NACC2: variants seen among roughly 807,000 people sequenced by gnomAD.
NACC2 encodes the protein NACC family member 2, also known as nucleus accumbens-associated protein 2.
NACC2 carries 8 observed loss-of-function variants against 25.1 expected under a neutral mutation model. The observed-to-expected ratio is 0.32, with a 90% CI of 0.19 to 0.57. The LOEUF is 0.57. NACC2 is among the 20% of genes least tolerant of loss of function. NACC2 has a pLI of 0.89. For synonymous variants in NACC2, 435 were observed against 294.7 expected (o/e 1.48, Z -4.88); for missense variants, 644 against 650.2 (o/e 0.99, Z 0.10).
intron 2 of NACC2, among the ~76,000 whole-genome samples, chr9:136,035,075 C>T (rs1233178886): frequency 6.6e-6 from 1 of 152,140 alleles, no homozygotes. Context: ...GCCTGGGTGA[C>T]AGAGCGAGAC....
intron 1 of NACC2, among the ~76,000 whole-genome samples, chr9:136,094,289 G>A (rs1361346584): frequency 6.6e-6 from 1 of 152,192 alleles, no homozygotes; most frequent in Non-Finnish European, 1.5e-5. Context: ...GCCAACTCCA[G>A]GGACCCGGCC....
At chr9:136,058,168 T>A (rs973980119) in intron 1 of NACC2, among the ~76,000 whole-genome samples, 1 of 152,210 alleles carries the variant, frequency 6.6e-6, no homozygotes, top group Non-Finnish European at 1.5e-5. Context: ...AGGGGGCTGC[T>A]GGCACCACCT....
chr9:136,019,235 C>T lies in NACC2; in HGVS notation c.887-2806G>A, dbSNP rs1437553931. 2 of 149,732 alleles carry T rather than the reference C, an allele frequency of 1.3e-5. No homozygotes were observed. The highest frequency in any genetic ancestry group is 3.0e-5 in the Non-Finnish European group (2 of 66,426). The allele number at this position is 149,732 out of a possible 1,614,324, so 9.3% of individuals were successfully genotyped here. On this transcript the variant is annotated intron_variant, in intron 2 of 5. Coordinates refer to ENST00000277554, the MANE Select transcript of NACC2 (RefSeq NM_144653.5). This position sits in a 1 kb window ranked among gnomAD's most constrained non-coding sequence, Gnocchi z 5.2. Reference sequence around the variant, plus strand: ...CTTTAACGGAGAACCCGCAGAGAGACTTGTTCATGGCAGAGACAGGACGGC... The same window carrying T: ...CTTTAACGGAGAACCCGCAGAGAGATTTGTTCATGGCAGAGACAGGACGGC...
At chr9:136,037,576 C>T (rs2131152001) in intron 2 of NACC2, among the ~76,000 whole-genome samples, 1 of 150,826 alleles carries the variant, frequency 6.6e-6, no homozygotes, top group South Asian at 2.1e-4. Flanking sequence ...GGTGCAATCT[C>T]AGCTCATTGC....
intron 1 of NACC2, among the ~76,000 whole-genome samples, chr9:136,085,293 G>C (rs1215199702): frequency 6.6e-6 from 1 of 151,362 alleles, no homozygotes; most frequent in Non-Finnish European, 1.5e-5. Flanking sequence ...GGGATTACAG[G>C]TGTGAACCAC....
chr9:136,069,886 C>G (rs188789136), intron 1 of NACC2, among the ~76,000 whole-genome samples: 1 of 151,790 alleles, frequency 6.6e-6, no homozygotes, highest in Non-Finnish European at 1.5e-5. Flanking sequence ...ACAGCCTTCT[C>G]TAAACAAGGA....
intron 1 of NACC2, among the ~76,000 whole-genome samples, chr9:136,080,187 C>T (rs1458121352): frequency 2.6e-5 from 4 of 152,224 alleles, no homozygotes; most frequent in East Asian, 1.9e-4. Flanking sequence ...CCTGTAGCCA[C>T]GCCACACCAG....
Position 136,010,966 on chromosome 9 carries a change from C to G in NACC2, c.*550G>C, listed in dbSNP as rs1785335876. ...CACACACACACACTCGTGCACACACCCCACACAGGTGGAAGGCCCGGTGGG... is the reference window on the plus strand; with the variant it reads ...CACACACACACACTCGTGCACACACGCCACACAGGTGGAAGGCCCGGTGGG... On this transcript the variant is annotated 3_prime_UTR_variant, in exon 6 of 6. Transcript: ENST00000277554. The surrounding 1 kb of genome is among the most constrained non-coding windows in gnomAD (Gnocchi z 4.9). 1 of 152,516 alleles carries G rather than the reference C, an allele frequency of 6.6e-6. No individual in the cohort carries two copies. The highest frequency in any genetic ancestry group is 6.5e-5 in the Admixed American group (1 of 15,294). The allele number at this position is 152,516 out of a possible 1,614,324, so 9.4% of individuals were successfully genotyped here.
At chr9:136,095,046 C>T (rs1185432699) in intron 1 of NACC2, 143 bp downstream of exon 1, 1 of 146,068 alleles carries the variant, frequency 6.8e-6, no homozygotes, top group African/African-American at 2.5e-5. Context: ...GCCGCACCCG[C>T]CCCGCGCGGC....
chr9:136,085,976 G>A (rs1293854853), intron 1 of NACC2, among the ~76,000 whole-genome samples: 1 of 152,064 alleles, frequency 6.6e-6, no homozygotes, highest in East Asian at 1.9e-4. Flanking sequence ...CTGATGGGAG[G>A]GGTTGGCAGA....
intron 1 of NACC2, among the ~76,000 whole-genome samples, chr9:136,074,930 C>T (rs1830245198): frequency 6.6e-6 from 1 of 152,224 alleles, no homozygotes; most frequent in Non-Finnish European, 1.5e-5. Context: ...GGTTCTCGCA[C>T]GGCCTCCTTC....
chr9:136,039,319 C>T (rs1430597344), intron 2 of NACC2, among the ~76,000 whole-genome samples: 1 of 152,122 alleles, frequency 6.6e-6, no homozygotes, highest in Admixed American at 6.5e-5. Context: ...GGTAAGAATG[C>T]TGCTAATTAC....
intron 1 of NACC2, among the ~76,000 whole-genome samples, chr9:136,064,548 G>A: frequency 6.6e-6 from 1 of 152,160 alleles, no homozygotes; most frequent in East Asian, 1.9e-4. Context: ...TGAAAGAAAT[G>A]AAAGATCTAA....
At position 136,010,508 on chromosome 9, in the gene NACC2, C is replaced by G. The variant is rs2131128787; in HGVS notation, c.*1008G>C. The G allele has an allele frequency of 6.6e-6, 1 of 152,350 alleles. No homozygotes were observed. The highest frequency in any genetic ancestry group is 2.1e-4 in the South Asian group (1 of 4,832). 9.4% of individuals were successfully genotyped at this position (152,350 alleles called of 1,614,324 possible). On this transcript the variant is annotated 3_prime_UTR_variant, in exon 6 of 6. Coordinates refer to ENST00000277554, the MANE Select transcript of NACC2 (RefSeq NM_144653.5). The surrounding 1 kb of genome is among the most constrained non-coding windows in gnomAD (Gnocchi z 4.9). Reference sequence around the variant, plus strand: ...TGGTCCCTGGCCCTGGGCGGGGGAGCAGGGGGACGCACCCTAACGGCCACA... The same window carrying G: ...TGGTCCCTGGCCCTGGGCGGGGGAGGAGGGGGACGCACCCTAACGGCCACA...
chr9:136,032,090 C>G lies in NACC2; in HGVS notation c.887-15661G>C, dbSNP rs558437930. Among the ~76,000 whole-genome samples the G allele has an allele frequency of 3.4e-5, 5 of 145,712 alleles. No homozygotes were observed. In the South Asian group the frequency reaches 1.0e-3, roughly 30 times the overall value. On this transcript the variant is annotated intron_variant, in intron 2 of 5. Coordinates refer to ENST00000277554, the MANE Select transcript of NACC2 (RefSeq NM_144653.5). ...CTCCCGCCAGACTCCTGGGATCCCA[C>G]CGGCCTTTTCTGTCTCAGGCTCTGT... is the stretch of plus-strand genomic sequence containing the variant.
intron 1 of NACC2, among the ~76,000 whole-genome samples, chr9:136,051,171 G>A (rs1840828350): frequency 6.6e-6 from 1 of 152,166 alleles, no homozygotes; most frequent in Non-Finnish European, 1.5e-5. Context: ...TCCCGGGCAG[G>A]TAGGGAATGG....
chr9:136,042,897 G>GAC (rs1276775685), intron 2 of NACC2, among the ~76,000 whole-genome samples: 1 of 127,758 alleles, frequency 7.8e-6, no homozygotes, highest in Non-Finnish European at 1.6e-5. Context: ...GACACATACA[G>GAC]ACACACACAG....
chr9:136,023,363 G>A (rs375342097), intron 2 of NACC2, among the ~76,000 whole-genome samples: 15 of 152,106 alleles, frequency 9.9e-5, no homozygotes, highest in East Asian at 3.9e-4. Context: ...CTCAGCTCTC[G>A]GAGAACGTGG....
At chr9:136,066,368 C>T (rs1007672551) in intron 1 of NACC2, among the ~76,000 whole-genome samples, 3 of 152,098 alleles carry the variant, frequency 2.0e-5, no homozygotes, top group Non-Finnish European at 4.4e-5. Context: ...TCTCCAAATA[C>T]TATACACAAA....
Sources: allele counts gnomAD v4.1 joint callset (sites outside exome capture counted in the v4.1 genomes callset), GRCh38; gene constraint gnomAD v4.1.1; non-coding constraint Gnocchi (gnomAD v3.1); transcripts MANE v1.5; gene names NCBI Gene and HGNC (gene_info 2026-07-23, HGNC 2026-07-21).